The following GLE1 variants were observed in gnomAD, a reference collection of about 807,000 sequenced individuals.
GLE1 encodes the protein GLE1 RNA export mediator, also known as mRNA export factor GLE1.
GLE1 carries 78 observed loss-of-function variants against 97.3 expected under a neutral mutation model. That is an observed-to-expected ratio of 0.80 (90% CI 0.67 to 0.97). GLE1 has a LOEUF of 0.97. Among genes scored for constraint, GLE1 ranks in the 50% least tolerant of loss-of-function variants. The probability of loss-of-function intolerance (pLI) is 0.00; values close to 1 mark genes in which losing one functional copy is unlikely to be tolerated. For missense variants in GLE1, 753 were observed against 857.5 expected, an observed-to-expected ratio of 0.88 and a Z score of 1.52; for synonymous variants, 302 against 313.4, an observed-to-expected ratio of 0.96 and a Z score of 0.39.
intron 13 of GLE1, 96 bp downstream of exon 13, chr9:128,538,186 C>A: frequency 1.4e-6 from 1 of 739,078 alleles, no homozygotes. Flanking sequence ...AGCATTTGGG[C>A]CTGATAGTAA....
At chr9:128,509,221 T>C (rs1564141960) in intron 2 of GLE1, 124 bp downstream of exon 2, 4 of 721,974 alleles carry the variant, frequency 5.5e-6, no homozygotes, top group Admixed American at 2.0e-5. Flanking sequence ...GTAGCTGTTG[T>C]AGAGACAATG....
At chr9:128,532,700 C>T (rs1847558800) in intron 9 of GLE1, 1 of 971,476 alleles carries the variant, frequency 1.0e-6, no homozygotes, top group Non-Finnish European at 1.2e-6. Flanking sequence ...AGGTACGCAG[C>T]CCCCACTGCT....
intron 14 of GLE1, 152 bp from the exon 15 acceptor site, chr9:128,540,123 G>C (rs906592369): frequency 2.8e-6 from 2 of 702,916 alleles, no homozygotes; most frequent in Non-Finnish European, 5.2e-6. Flanking sequence ...AGCTGAGACA[G>C]GAGGATCGCT....
At chr9:128,525,723 G>A (rs914165872) in intron 7 of GLE1, among the ~76,000 whole-genome samples, 24 of 151,988 alleles carry the variant, frequency 1.6e-4, no homozygotes, top group Admixed American at 1.5e-3. Context: ...TCAGGAGTTC[G>A]AGACCAGCCT....
intron 11 of GLE1, among the ~76,000 whole-genome samples, chr9:128,535,714 G>A (rs559520776): frequency 1.3e-5 from 2 of 152,052 alleles, no homozygotes; most frequent in African/African-American, 4.8e-5. Flanking sequence ...ACAGCTACTC[G>A]GGAGGCAGAG....
intron 3 of GLE1, among the ~76,000 whole-genome samples, chr9:128,516,104 G>A (rs1034016473): frequency 2.7e-5 from 4 of 150,918 alleles, no homozygotes; most frequent in African/African-American, 7.3e-5. Flanking sequence ...TTACAGGCTC[G>A]CGCCACCACA....
chr9:128,535,252 C>T (rs1421402495), intron 11 of GLE1, among the ~76,000 whole-genome samples: 5 of 146,718 alleles, frequency 3.4e-5, no homozygotes, highest in Middle Eastern at 4.1e-3. Flanking sequence ...TGGCTCACGC[C>T]TGTAATCCCA....
intron 3 of GLE1, among the ~76,000 whole-genome samples, chr9:128,516,279 A>G (rs1846984374): frequency 6.7e-6 from 1 of 150,106 alleles, no homozygotes; most frequent in South Asian, 2.1e-4. Flanking sequence ...CTCTTGAAAA[A>G]ATAGCAGCAC....
intron 3 of GLE1, among the ~76,000 whole-genome samples, chr9:128,517,111 G>A (rs571322548): frequency 5.3e-5 from 8 of 151,718 alleles, no homozygotes; most frequent in South Asian, 2.1e-4. Context: ...CCAACATGGC[G>A]AAACCCCATC....
intron 3 of GLE1, among the ~76,000 whole-genome samples, chr9:128,520,398 GTGTGTATATA>G (rs1378004802): frequency 1.4e-5 from 2 of 146,908 alleles, no homozygotes; most frequent in Non-Finnish European, 3.0e-5. Flanking sequence ...ATATATGTAT[GTGTGTATATA>G]TGTATATATA....
In GLE1 at chr9:128,511,300, TTTG is replaced by T. The variant is rs769399461; in HGVS notation, c.321+2219_321+2221del. Among the ~76,000 whole-genome samples, 31 of 149,486 alleles carry T rather than the reference TTTG, an allele frequency of 2.1e-4. 2 individuals carry two copies. The South Asian group carries it at 2.7e-3, about 13-fold the overall frequency. On this transcript the variant is annotated intron_variant, in intron 2 of 15. Coordinates refer to ENST00000309971, the MANE Select transcript of GLE1 (RefSeq NM_001003722.2). ...CATAAATATATATATTTATGTTGAT[TTTG>T]TTGTTGTTGTTGTTGCCAGAAAAGG...
At chr9:128,528,504 C>G (rs1000567683) in intron 9 of GLE1, among the ~76,000 whole-genome samples, 3 of 150,430 alleles carry the variant, frequency 2.0e-5, no homozygotes, top group African/African-American at 7.4e-5. Context: ...GGGGTTTCAC[C>G]GTGTTAACCA....
At chr9:128,532,695 C>A in intron 9 of GLE1, 1 of 974,424 alleles carries the variant, frequency 1.0e-6, no homozygotes, top group Non-Finnish European at 1.2e-6. Flanking sequence ...ATGGCAGGTA[C>A]GCAGCCCCCA....
rs2132458341 is a variant in GLE1 at position 128,523,642 on chromosome 9, A to G, written c.693A>G (p.Ala231=). 2 of 1,614,164 alleles carry G rather than the reference A, an allele frequency of 1.2e-6. No individual in the cohort carries two copies. The part of the protein sequence containing the change: ...REAEQQRVKQ[A]EQERLRKEEG... ...CAGAGCAGCAGCGCGTGAAGCAAGC[A>G]GAACAGGAGCGGCTTCGGAAGGAAG... The change falls in exon 6 of 16, where the codon GCA becomes GCG. Residue 231 remains alanine, a synonymous_variant. Transcript: ENST00000309971.
At chr9:128,535,092 G>T (rs769406121) in intron 11 of GLE1, among the ~76,000 whole-genome samples, 8 of 151,676 alleles carry the variant, frequency 5.3e-5, no homozygotes, top group Non-Finnish European at 2.9e-5. Flanking sequence ...TAATCTCTGG[G>T]CCAGGTGCAG....
chr9:128,530,888 G>A (rs1323549235), intron 9 of GLE1, among the ~76,000 whole-genome samples: 2 of 144,998 alleles, frequency 1.4e-5, no homozygotes, highest in Non-Finnish European at 3.0e-5. Flanking sequence ...CGTCCTGGGT[G>A]AAAGAGCGAG....
intron 9 of GLE1, among the ~76,000 whole-genome samples, chr9:128,532,941 G>A (rs554454888): frequency 6.6e-6 from 1 of 152,282 alleles, no homozygotes; most frequent in South Asian, 2.1e-4. Context: ...TCCTTTAGAA[G>A]GTTTTTCCTA....
intron 3 of GLE1, among the ~76,000 whole-genome samples, chr9:128,517,344 C>T (rs1012672050): frequency 1.3e-5 from 2 of 151,886 alleles, no homozygotes; most frequent in African/African-American, 4.8e-5. Flanking sequence ...CCTCATTGGT[C>T]ATTGAGTCAA....
intron 11 of GLE1, 144 bp downstream of exon 11, chr9:128,534,095 C>CAGT (rs1411168558): frequency 1.4e-6 from 1 of 720,498 alleles, no homozygotes; most frequent in Non-Finnish European, 2.5e-6. Flanking sequence ...CGGCCGGGTG[C>CAGT]AGTGGCTCAT....
Sources: gnomAD v4.1 joint callset for allele counts (sites outside exome capture counted in the v4.1 genomes callset) on GRCh38, gnomAD v4.1.1 for gene constraint, MANE v1.5 for transcripts, NCBI Gene and HGNC (gene_info 2026-07-23, HGNC 2026-07-21) for gene names.